The following PCP4 variants were observed in gnomAD, a reference collection of about 807,000 sequenced individuals.
PCP4 encodes Purkinje cell protein 4, also known as calmodulin regulator protein PCP4.
In PCP4, 8 loss-of-function variants were observed where a neutral mutation model predicts 10.0. The observed-to-expected ratio is 0.80, with a 90% CI of 0.47 to 1.45. The LOEUF (loss-of-function observed/expected upper bound fraction) is 1.45, where lower values mean the gene tolerates loss of function less well. Ranked by LOEUF, PCP4 falls within the 40% of genes most tolerant of loss-of-function variation. The pLI is 0.00. For missense variants in PCP4, 54 were observed against 74.4 expected, an observed-to-expected ratio of 0.73 and a Z score of 1.01; for synonymous variants, 21 against 23.0, an observed-to-expected ratio of 0.91 and a Z score of 0.24.
At chr21:39,890,779 A>G (rs1356102736) in intron 1 of PCP4, among the ~76,000 whole-genome samples, 1 of 152,150 alleles carries the variant, frequency 6.6e-6, no homozygotes, top group African/African-American at 2.4e-5. Flanking sequence ...GCCCTCTTAA[A>G]TTTTGTGCCC....
At chr21:39,871,406 A>G (rs180901659) in intron 1 of PCP4, among the ~76,000 whole-genome samples, 56 of 152,356 alleles carry the variant, frequency 3.7e-4, no homozygotes, top group Admixed American at 1.5e-3. Flanking sequence ...ATTTTAGACC[A>G]GTTGTTAAGC....
At chr21:39,874,831 G>T (rs1217979905) in intron 1 of PCP4, among the ~76,000 whole-genome samples, 4 of 152,014 alleles carry the variant, frequency 2.6e-5, no homozygotes, top group Non-Finnish European at 5.9e-5. Context: ...TGAAAGTGTG[G>T]GTGGTACCGA....
At chr21:39,873,298 T>A (rs897265105) in intron 1 of PCP4, among the ~76,000 whole-genome samples, 6 of 152,192 alleles carry the variant, frequency 3.9e-5, no homozygotes, top group Non-Finnish European at 8.8e-5. Context: ...TTGTAAACTC[T>A]GGCATATTGT....
intron 2 of PCP4, among the ~76,000 whole-genome samples, chr21:39,923,637 G>A (rs937197843): frequency 5.3e-5 from 8 of 152,294 alleles, no homozygotes; most frequent in Admixed American, 4.6e-4. Context: ...CAGTACACGC[G>A]GCAGAATCCT....
intron 2 of PCP4, among the ~76,000 whole-genome samples, chr21:39,926,483 C>A (rs1214130009): frequency 2.5e-5 from 2 of 78,830 alleles, no homozygotes; most frequent in African/African-American, 1.1e-4. Flanking sequence ...GGAAACTTCC[C>A]CTCCTACTTG....
intron 1 of PCP4, among the ~76,000 whole-genome samples, chr21:39,869,594 C>T (rs1207117014): frequency 6.6e-6 from 1 of 152,200 alleles, no homozygotes; most frequent in Non-Finnish European, 1.5e-5. Flanking sequence ...CATGAGGCCT[C>T]CTCCCTCTGA....
intron 2 of PCP4, chr21:39,916,036 C>G (rs543539678): frequency 6.6e-6 from 1 of 152,262 alleles, no homozygotes; most frequent in African/African-American, 2.4e-5. Context: ...TCCAATCAGC[C>G]TGAAGAGATT....
At chr21:39,874,542 C>T (rs1444884547) in intron 1 of PCP4, among the ~76,000 whole-genome samples, 5 of 151,656 alleles carry the variant, frequency 3.3e-5, no homozygotes, top group African/African-American at 1.2e-4. Flanking sequence ...GAAAAGGACT[C>T]CAGAAGTTAA....
At chr21:39,912,171 A>G (rs1347213726) in intron 2 of PCP4, among the ~76,000 whole-genome samples, 3 of 152,166 alleles carry the variant, frequency 2.0e-5, no homozygotes, top group African/African-American at 7.2e-5. Context: ...GCCTCTGTTA[A>G]TGCTCCCTTG....
intron 1 of PCP4, among the ~76,000 whole-genome samples, chr21:39,893,903 T>G (rs775710180): frequency 6.6e-6 from 1 of 152,104 alleles, no homozygotes; most frequent in Admixed American, 6.5e-5. Flanking sequence ...ATGATGTAGA[T>G]AGACACAGAG....
In PCP4 at chr21:39,900,523, C is replaced by G. The variant is rs528082848; in HGVS notation, c.61+1996C>G. On this transcript the variant is annotated intron_variant, in intron 2 of 2. Transcript: ENST00000328619. ...CATAGGATTTATTGAGGGGAGTTAC[C>G]TATAGGGCAGTCCAGTGGCGGTGGG... Among the ~76,000 whole-genome samples, 9 of 152,202 alleles carry G rather than the reference C, an allele frequency of 5.9e-5. No homozygotes were observed. In the South Asian group the frequency reaches 1.7e-3, roughly 28 times the overall value.
chr21:39,893,417 T>C (rs1568854551), intron 1 of PCP4, among the ~76,000 whole-genome samples: 2 of 152,210 alleles, frequency 1.3e-5, no homozygotes, highest in African/African-American at 2.4e-5. Flanking sequence ...TTCCCTTTAA[T>C]TGGGGTTTTA....
intron 1 of PCP4, among the ~76,000 whole-genome samples, chr21:39,878,042 C>A (rs2146326595): frequency 6.6e-6 from 1 of 152,140 alleles, no homozygotes; most frequent in Non-Finnish European, 1.5e-5. Context: ...ACCGTTTCAT[C>A]TTCCCAGCAC....
chr21:39,927,002 G>A (rs2087624882), intron 2 of PCP4, among the ~76,000 whole-genome samples: 1 of 152,172 alleles, frequency 6.6e-6, no homozygotes, highest in Non-Finnish European at 1.5e-5. Flanking sequence ...ATGAGCATTG[G>A]CAGCAAGTTT....
chr21:39,895,168 C>CACCCATTCATCCACCTATCCATTCATCT (rs2146335819), intron 1 of PCP4, among the ~76,000 whole-genome samples: 1 of 152,240 alleles, frequency 6.6e-6, no homozygotes, highest in East Asian at 1.9e-4. Context: ...TCCATCCATC[C>CACCCATTCATCCACCTATCCATTCATCT]ACCCATTCAT....
In PCP4 at chr21:39,867,467, G is replaced by A; in HGVS notation, c.-35G>A. 1 of 1,613,874 alleles carries A rather than the reference G, an allele frequency of 6.2e-7. No individual in the cohort carries two copies. Among genetic ancestry groups the A allele is most frequent in the Non-Finnish European group, 8.5e-7 (1 of 1,179,732 alleles). On this transcript the variant is annotated 5_prime_UTR_variant, in exon 1 of 3. Coordinates refer to ENST00000328619, the MANE Select transcript of PCP4 (RefSeq NM_006198.3). Reference sequence around the variant, plus strand: ...ACCCCTGAGCAGTGTTCTCTGTGCTGAGCGGCGGGACTGAGCTGTTGAGTT... The same window carrying A: ...ACCCCTGAGCAGTGTTCTCTGTGCTAAGCGGCGGGACTGAGCTGTTGAGTT...
chr21:39,881,900 A>G (rs1216030056), intron 1 of PCP4, among the ~76,000 whole-genome samples: 1 of 152,134 alleles, frequency 6.6e-6, no homozygotes, highest in African/African-American at 2.4e-5. Flanking sequence ...CCCAGACTCA[A>G]ATTCCATTCC....
intron 2 of PCP4, among the ~76,000 whole-genome samples, chr21:39,913,467 T>G (rs571435467): frequency 6.6e-6 from 1 of 152,252 alleles, no homozygotes; most frequent in Non-Finnish European, 1.5e-5. Flanking sequence ...TCTGTCCTTA[T>G]GACAACATTC....
intron 1 of PCP4, among the ~76,000 whole-genome samples, chr21:39,890,249 A>G (rs939158508): frequency 1.8e-4 from 27 of 152,240 alleles, no homozygotes; most frequent in African/African-American, 6.3e-4. Flanking sequence ...TCCTTACTTC[A>G]GGGAGACATA....
Sources: allele counts gnomAD v4.1 joint callset (sites outside exome capture counted in the v4.1 genomes callset), GRCh38; gene constraint gnomAD v4.1.1; transcripts MANE v1.5; gene names NCBI Gene and HGNC (gene_info 2026-07-23, HGNC 2026-07-21).